SYT10: variants seen among roughly 807,000 people sequenced by gnomAD.
The protein encoded by SYT10 is synaptotagmin 10.
SYT10 carries 31 observed loss-of-function variants against 51.1 expected under a neutral mutation model. The ratio of observed to expected loss-of-function variants is 0.61; its 90% confidence interval spans 0.46 to 0.82. The LOEUF (loss-of-function observed/expected upper bound fraction) is 0.82. SYT10 is among the 40% of genes least tolerant of loss of function. The pLI is 0.00. For synonymous variants in SYT10, 233 were observed against 225.9 expected, an observed-to-expected ratio of 1.03 and a Z score of -0.28; for missense variants, 603 against 634.0, an observed-to-expected ratio of 0.95 and a Z score of 0.53.
intron 6 of SYT10, among the ~76,000 whole-genome samples, chr12:33,378,976 A>G (rs1483343453): frequency 6.6e-6 from 1 of 152,188 alleles, no homozygotes; most frequent in Non-Finnish European, 1.5e-5. Flanking sequence ...CTGTGTGAGC[A>G]TGCAATGCTC....
chr12:33,384,664 A>G (rs992123967), intron 4 of SYT10, among the ~76,000 whole-genome samples: 1 of 152,224 alleles, frequency 6.6e-6, no homozygotes, highest in East Asian at 1.9e-4. Flanking sequence ...AATCTTCAAG[A>G]AGCATTAATT....
At chr12:33,380,339 T>C (rs1000177843) in intron 5 of SYT10, among the ~76,000 whole-genome samples, 1 of 152,224 alleles carries the variant, frequency 6.6e-6, no homozygotes, top group Admixed American at 6.5e-5. Flanking sequence ...TCCACAAAGC[T>C]TAATGTTTTA....
chr12:33,379,488 C>T (rs1490716726), intron 6 of SYT10, among the ~76,000 whole-genome samples: 1 of 132,282 alleles, frequency 7.6e-6, no homozygotes, highest in East Asian at 2.3e-4. Flanking sequence ...ATGCAGTTTC[C>T]AGTTAGTAAT....
chr12:33,403,172 TAA>T (rs1441683519), intron 3 of SYT10, among the ~76,000 whole-genome samples: 3 of 151,864 alleles, frequency 2.0e-5, no homozygotes, highest in African/African-American at 7.2e-5. Context: ...CTTAAAATTA[TAA>T]AGTTATAAGA....
intron 3 of SYT10, among the ~76,000 whole-genome samples, 159 bp downstream of exon 3, chr12:33,406,630 C>G (rs1333383728): frequency 1.3e-5 from 2 of 152,066 alleles, no homozygotes; most frequent in African/African-American, 2.4e-5. Flanking sequence ...GCATTAGGTG[C>G]CTGAATTATT....
chr12:33,438,399 C>T (rs1866655060), intron 1 of SYT10, among the ~76,000 whole-genome samples: 1 of 152,216 alleles, frequency 6.6e-6, no homozygotes, highest in Non-Finnish European at 1.5e-5. Flanking sequence ...CTCTTGAAAC[C>T]ACGCAGCCCG....
At chr12:33,411,741 TTGAAG>T (rs1284484447) in intron 2 of SYT10, among the ~76,000 whole-genome samples, 1 of 152,140 alleles carries the variant, frequency 6.6e-6, no homozygotes, top group East Asian at 1.9e-4. Flanking sequence ...AACTTAAATC[TTGAAG>T]TGATTTGTTT....
chr12:33,377,899 A>T (rs1384506690), intron 6 of SYT10, among the ~76,000 whole-genome samples: 1 of 152,092 alleles, frequency 6.6e-6, no homozygotes, highest in Non-Finnish European at 1.5e-5. Context: ...AAGTGCTGGG[A>T]TTACAGTCGT....
intron 3 of SYT10, among the ~76,000 whole-genome samples, chr12:33,394,781 G>GCCACA (rs1362244350): frequency 6.6e-6 from 1 of 152,160 alleles, no homozygotes; most frequent in African/African-American, 2.4e-5. Context: ...TTTACTCTGT[G>GCCACA]GCTTTACCTA....
At chr12:33,377,293 C>T (rs1866071386) in intron 6 of SYT10, among the ~76,000 whole-genome samples, 1 of 152,122 alleles carries the variant, frequency 6.6e-6, no homozygotes, top group Non-Finnish European at 1.5e-5. Context: ...TTGCCTCAGC[C>T]TCCCGAGTAG....
intron 5 of SYT10, among the ~76,000 whole-genome samples, chr12:33,380,263 A>G: frequency 6.6e-6 from 1 of 152,212 alleles, no homozygotes; most frequent in Non-Finnish European, 1.5e-5. Context: ...CTTTACCTAT[A>G]TGATGAGTGT....
chr12:33,423,487 T>A (rs1866523571), intron 2 of SYT10, among the ~76,000 whole-genome samples: 1 of 152,102 alleles, frequency 6.6e-6, no homozygotes, highest in African/African-American at 2.4e-5. Flanking sequence ...AGCAATTTCC[T>A]CTTCCTCTCT....
At chr12:33,391,261 T>TA (rs1405885961) in intron 3 of SYT10, among the ~76,000 whole-genome samples, 4 of 152,112 alleles carry the variant, frequency 2.6e-5, no homozygotes, top group East Asian at 1.9e-4. Context: ...TATTTTTTTT[T>TA]ATCTTGTTTT....
rs1866049077 is a variant in SYT10, at chr12:33,374,753, T to C, written c.*2077A>G. 1 of 151,942 alleles carries C rather than the reference T, an allele frequency of 6.6e-6. No individual in the cohort carries two copies. The highest frequency in any genetic ancestry group is 2.4e-5 in the African/African-American group (1 of 41,438). The allele number at this position is 151,942 out of a possible 1,614,324, so 9.4% of individuals were successfully genotyped here. A position where few individuals can be genotyped will look rare whatever the true frequency, so the allele number is the denominator to read the frequency against. On this transcript the variant is annotated 3_prime_UTR_variant, in exon 7 of 7. Coordinates refer to ENST00000228567, the MANE Select transcript of SYT10 (RefSeq NM_198992.4). ...CTACAATTCCCATATTAGAGTCTTCTGATTGGCCAATGGTTCACATTTTTT... is the reference window on the plus strand; with the variant it reads ...CTACAATTCCCATATTAGAGTCTTCCGATTGGCCAATGGTTCACATTTTTT...
chr12:33,399,020 A>AGAC (rs1866281199), intron 3 of SYT10, among the ~76,000 whole-genome samples: 1 of 152,192 alleles, frequency 6.6e-6, no homozygotes, highest in African/African-American at 2.4e-5. Flanking sequence ...AGAGAAAGAG[A>AGAC]TAGTCTCAAG....
chr12:33,392,207 C>A (rs149195956), intron 3 of SYT10, among the ~76,000 whole-genome samples: 107 of 152,300 alleles, frequency 7.0e-4, no homozygotes, highest in African/African-American at 2.4e-3. Flanking sequence ...ACTAAAATTT[C>A]AGAATCAAAT....
chr12:33,426,681 T>C (rs1006028243), intron 1 of SYT10, among the ~76,000 whole-genome samples, 186 bp from the exon 2 acceptor site: 1 of 152,190 alleles, frequency 6.6e-6, no homozygotes, highest in African/African-American at 2.4e-5. Flanking sequence ...AGGAGGTACT[T>C]GAAAAGTTCT....
chr12:33,377,613 TTTTC>T (rs1437571206), intron 6 of SYT10, among the ~76,000 whole-genome samples: 3 of 85,520 alleles, frequency 3.5e-5, no homozygotes, highest in African/African-American at 2.1e-4. Flanking sequence ...AGGAACCTGA[TTTTC>T]TTTTTCTTTT....
At chr12:33,377,371 C>A (rs1426728337) in intron 6 of SYT10, among the ~76,000 whole-genome samples, 2 of 150,770 alleles carry the variant, frequency 1.3e-5, no homozygotes, top group African/African-American at 4.9e-5. Context: ...TCGGGTTTCA[C>A]CATGTTGGCC....
Sources: allele counts gnomAD v4.1 joint callset (sites outside exome capture counted in the v4.1 genomes callset), GRCh38; gene constraint gnomAD v4.1.1; transcripts MANE v1.5; gene names NCBI Gene and HGNC (gene_info 2026-07-23, HGNC 2026-07-21).